The following ANK3 variants were observed in gnomAD, a reference collection of about 807,000 sequenced individuals.
ANK3 encodes ankyrin-3.
ANK3 carries 57 observed loss-of-function variants against 370.9 expected under a neutral mutation model. That is an observed-to-expected ratio of 0.15 (90% CI 0.12 to 0.19). The LOEUF is 0.19. ANK3 is among the 10% of genes least tolerant of loss of function. The probability of loss-of-function intolerance (pLI) is 1.00; values close to 1 mark genes in which losing one functional copy is unlikely to be tolerated. For missense variants in ANK3, 4,439 were observed against 5,302.1 expected, an observed-to-expected ratio of 0.84 and a Z score of 5.06; for synonymous variants, 1,929 against 1,946.3, an observed-to-expected ratio of 0.99 and a Z score of 0.23.
At chr10:60,138,642 C>T (rs1309724975) in intron 24 of ANK3, 5 of 449,394 alleles carry the variant, frequency 1.1e-5, no homozygotes, top group Non-Finnish European at 1.9e-5. Context: ...TGGAACAAAA[C>T]TTAATTTTGA....
At chr10:60,549,856 T>A (rs1333615917) in intron 2 of ANK3, among the ~76,000 whole-genome samples, 3 of 152,184 alleles carry the variant, frequency 2.0e-5, no homozygotes, top group Admixed American at 6.5e-5. Context: ...CATGATGGAC[T>A]ATTGATTGAA....
chr10:60,312,524 A>G (rs1240549476), intron 1 of ANK3, among the ~76,000 whole-genome samples: 2 of 152,166 alleles, frequency 1.3e-5, no homozygotes, highest in Non-Finnish European at 2.9e-5. Context: ...GACATTGTCA[A>G]GTCATAGCAA....
intron 1 of ANK3, among the ~76,000 whole-genome samples, chr10:60,648,701 C>T (rs983076695): frequency 6.9e-6 from 1 of 144,004 alleles, no homozygotes. Flanking sequence ...ACCCAGGAGG[C>T]GGAGGTTGCA....
intron 2 of ANK3, among the ~76,000 whole-genome samples, chr10:60,468,101 C>T (rs886963510): frequency 2.6e-5 from 4 of 151,388 alleles, no homozygotes; most frequent in African/African-American, 9.7e-5. Context: ...TCTCCTGCCT[C>T]AGCCTCCCAA....
intron 2 of ANK3, among the ~76,000 whole-genome samples, chr10:60,560,584 C>T (rs893351235): frequency 1.3e-5 from 2 of 152,152 alleles, no homozygotes; most frequent in African/African-American, 4.8e-5. Context: ...AGAAAAAGTG[C>T]TGCTTAATGG....
rs546004948 is a variant in ANK3 at position 60,407,619 on chromosome 10, G to A, written c.97-127980C>T. ...ATTTATACATTCATCAATGTGTACG[G>A]AAAAGCTGCTACATGCCAAGATTTA... On this transcript the variant is annotated intron_variant, in intron 2 of 43. Transcript: ENST00000373827. 1.4e-4 allele frequency among the ~76,000 whole-genome samples: 22 copies of A among 152,152 alleles called. No individual in the cohort carries two copies. In the South Asian group the frequency reaches 4.6e-3, roughly 32 times the overall value.
At chr10:60,391,282 A>G (rs1411375403), upstream of ANK3, among the ~76,000 whole-genome samples, 2 of 152,158 alleles carry the variant, frequency 1.3e-5, no homozygotes, top group Non-Finnish European at 2.9e-5. Context: ...TGACTTCCAC[A>G]CAAACTATCT....
chr10:60,541,918 G>A (rs751893860), intron 2 of ANK3, among the ~76,000 whole-genome samples: 1 of 151,848 alleles, frequency 6.6e-6, no homozygotes, highest in South Asian at 2.1e-4. Flanking sequence ...TGGTACAGTA[G>A]GCAAAGTTCC....
At chr10:60,504,513 A>G (rs558941175) in intron 2 of ANK3, among the ~76,000 whole-genome samples, 1 of 152,326 alleles carries the variant, frequency 6.6e-6, no homozygotes, top group East Asian at 1.9e-4. Flanking sequence ...ACTTTTGAAT[A>G]TTGCAGCAAG....
chr10:60,289,156 A>T (rs1376277013), intron 1 of ANK3, among the ~76,000 whole-genome samples: 1 of 152,076 alleles, frequency 6.6e-6, no homozygotes, highest in East Asian at 1.9e-4. Flanking sequence ...TTCTGAAGGT[A>T]TACTGACAGA....
At chr10:60,615,391 A>G (rs1050525191) in intron 1 of ANK3, among the ~76,000 whole-genome samples, 1 of 110,330 alleles carries the variant, frequency 9.1e-6, no homozygotes, top group Non-Finnish European at 2.0e-5. Flanking sequence ...ATTCTAGTTT[A>G]AAAAAAAAAA....
At chr10:60,531,478 G>A (rs2076605204) in intron 2 of ANK3, among the ~76,000 whole-genome samples, 1 of 152,084 alleles carries the variant, frequency 6.6e-6, no homozygotes, top group Non-Finnish European at 1.5e-5. Context: ...CTGTGGGCCA[G>A]AAGAGAGAAA....
rs751719593 is a variant in ANK3 at position 60,084,798 on chromosome 10, T to A, written c.3878A>T (p.Glu1293Val). Residue 1293 changes from glutamate (E) to valine (V), a missense_variant, in exon 32 of 44, where the codon GAA becomes GTA. Transcript: ENST00000280772. Reference sequence around the variant, plus strand: ...CAGTTGCGTGGCTAACCCCACAGTTTCTAAAACTTGATGGCAGTCTGCAAG... The same window carrying A: ...CAGTTGCGTGGCTAACCCCACAGTTACTAAAACTTGATGGCAGTCTGCAAG... ...FWLADCHQVL[E>V]TVGLATQLYR... The A allele has an allele frequency of 1.3e-6, 2 of 1,567,928 alleles. No homozygotes were observed. Among genetic ancestry groups the A allele is most frequent in the East Asian group, 4.5e-5 (2 of 44,120 alleles).
intron 1 of ANK3, among the ~76,000 whole-genome samples, chr10:60,664,289 T>A (rs2133375080): frequency 6.6e-6 from 1 of 152,354 alleles, no homozygotes; most frequent in Middle Eastern, 3.4e-3. Context: ...TATGGGATAA[T>A]TGTATAATTG....
At chr10:60,318,818 G>T (rs2048025495) in intron 1 of ANK3, among the ~76,000 whole-genome samples, 1 of 152,132 alleles carries the variant, frequency 6.6e-6, no homozygotes, top group Admixed American at 6.5e-5. Flanking sequence ...TGCTGATAGT[G>T]ATAGGATACT....
intron 36 of ANK3, among the ~76,000 whole-genome samples, chr10:60,078,846 T>C (rs1161052680): frequency 2.0e-5 from 3 of 152,164 alleles, no homozygotes; most frequent in Non-Finnish European, 2.9e-5. Flanking sequence ...ATGTACCCTT[T>C]CATAAAACAG....
chr10:60,731,607 A>G (rs2080022899), intron 1 of ANK3, among the ~76,000 whole-genome samples: 1 of 152,206 alleles, frequency 6.6e-6, no homozygotes, highest in African/African-American at 2.4e-5. Context: ...GTTTTGCTTC[A>G]GTCAATTTTT....
intron 2 of ANK3, among the ~76,000 whole-genome samples, chr10:60,506,015 T>C (rs1323933647): frequency 6.6e-6 from 1 of 151,986 alleles, no homozygotes; most frequent in African/African-American, 2.4e-5. Context: ...CAATTAAGTA[T>C]TCATACTCAC....
At chr10:60,609,407 C>T (rs1160703252) in intron 2 of ANK3, among the ~76,000 whole-genome samples, 1 of 152,118 alleles carries the variant, frequency 6.6e-6, no homozygotes, top group Non-Finnish European at 1.5e-5. Flanking sequence ...CAACTTCCAT[C>T]ACAGAGATGA....
Sources: gnomAD v4.1 joint callset for allele counts (sites outside exome capture counted in the v4.1 genomes callset) on GRCh38, gnomAD v4.1.1 for gene constraint, MANE v1.5 for transcripts, NCBI Gene and HGNC (gene_info 2026-07-23, HGNC 2026-07-21) for gene names.